The following TIAM2 variants were observed in gnomAD, a reference collection of about 807,000 sequenced individuals.
The protein encoded by TIAM2 is rho guanine nucleotide exchange factor TIAM2.
A neutral mutation model predicts 152.9 loss-of-function variants in TIAM2; 80 were observed. The observed-to-expected ratio is 0.52, with a 90% CI of 0.44 to 0.63. TIAM2 has a LOEUF of 0.63. TIAM2 is among the 30% of genes least tolerant of loss of function. The probability of loss-of-function intolerance (pLI) is 0.00; values close to 1 mark genes in which losing one functional copy is unlikely to be tolerated. For synonymous variants in TIAM2, 804 were observed against 838.0 expected, an observed-to-expected ratio of 0.96 and a Z score of 0.70; for missense variants, 1,965 against 2,120.1, an observed-to-expected ratio of 0.93 and a Z score of 1.44.
At chr6:155,227,386 A>G (rs1051601838) in intron 15 of TIAM2, among the ~76,000 whole-genome samples, 3 of 152,218 alleles carry the variant, frequency 2.0e-5, no homozygotes, top group Admixed American at 2.0e-4. Context: ...CCACAACCCT[A>G]TTGAACAGAT....
Position 155,156,050 on chromosome 6 carries a change from C to T in TIAM2, c.2028+7716C>T, listed in dbSNP as rs888572566. On this transcript the variant is annotated intron_variant, in intron 7 of 26. Coordinates refer to ENST00000682666, the MANE Select transcript of TIAM2 (RefSeq NM_012454.4). The surrounding 1 kb of genome is among the most constrained non-coding windows in gnomAD (Gnocchi z 4.4). ...CAACATAACACAGTGATTCAGTGCA[C>T]GTGGCATTCCAGTGCTGTGGAAGAC... 1.3e-5 allele frequency among the ~76,000 whole-genome samples: 2 copies of T among 152,160 alleles called. No individual in the cohort carries two copies. The highest frequency in any genetic ancestry group is 2.9e-5 in the Non-Finnish European group (2 of 68,024).
chr6:155,084,196 TA>T (rs1778130255), intron 1 of TIAM2, among the ~76,000 whole-genome samples: 1 of 152,098 alleles, frequency 6.6e-6, no homozygotes, highest in South Asian at 2.1e-4. Flanking sequence ...AAGACAGGGA[TA>T]GGGGCCACTC....
At position 155,079,870 on chromosome 6, in the gene TIAM2, A is replaced by C. The variant is rs531021514; in HGVS notation, c.-208-10419A>C. ...GGCTGAGGTAGGAGAATCGCTTGAA[A>C]CTGGGAGGCAGAGGTTGCAGTGAGA... On this transcript the variant is annotated intron_variant, in intron 1 of 26. Coordinates refer to ENST00000682666, the MANE Select transcript of TIAM2 (RefSeq NM_012454.4). 2.6e-5 allele frequency among the ~76,000 whole-genome samples: 4 copies of C among 152,164 alleles called. No individual in the cohort carries two copies. In the East Asian group the frequency reaches 7.8e-4, roughly 30 times the overall value.
At chr6:155,056,104 AT>A (rs1163876790) in intron 1 of TIAM2, among the ~76,000 whole-genome samples, 3 of 147,328 alleles carry the variant, frequency 2.0e-5, no homozygotes, top group Non-Finnish European at 4.5e-5. Context: ...TAATTTTTAA[AT>A]TTTTTTCTGT....
chr6:155,175,321 T>C (rs530963987), intron 9 of TIAM2, among the ~76,000 whole-genome samples: 84 of 152,368 alleles, frequency 5.5e-4, no homozygotes, highest in African/African-American at 2.0e-3. Context: ...TTCTTTACGA[T>C]GTCTCTTCTA....
intron 2 of TIAM2, among the ~76,000 whole-genome samples, chr6:155,094,703 C>T (rs528145419): frequency 5.4e-4 from 82 of 151,532 alleles, no homozygotes; most frequent in Middle Eastern, 3.4e-3. Context: ...GCATGTCCCA[C>T]CATACCTGGC....
chr6:155,244,929 CCT>C (rs998247449), intron 18 of TIAM2, 146 bp downstream of exon 18: 3 of 1,073,030 alleles, frequency 2.8e-6, no homozygotes, highest in Admixed American at 3.0e-5. Context: ...GCACCGTTTT[CCT>C]CTGTCAGGTG....
intron 15 of TIAM2, among the ~76,000 whole-genome samples, chr6:155,225,381 G>A (rs768660299): frequency 3.9e-5 from 6 of 152,194 alleles, no homozygotes; most frequent in Non-Finnish European, 8.8e-5. Flanking sequence ...TGAGCACCGA[G>A]GTCTTGAATT....
chr6:155,020,750 A>G (rs894694335), intron 1 of TIAM2, among the ~76,000 whole-genome samples: 1 of 152,226 alleles, frequency 6.6e-6, no homozygotes, highest in African/African-American at 2.4e-5. Context: ...GGCATGAGCC[A>G]CTGTGCCCGG....
At chr6:155,144,801 G>T in intron 6 of TIAM2, 23 bp downstream of exon 6, 1 of 1,593,254 alleles carries the variant, frequency 6.3e-7, no homozygotes, top group South Asian at 1.2e-5. Context: ...CTTTGTAAGT[G>T]GAGGTAATAG....
intron 23 of TIAM2, 54 bp from the exon 24 acceptor site, chr6:155,252,894 C>A: frequency 6.7e-7 from 1 of 1,490,554 alleles, no homozygotes; most frequent in Non-Finnish European, 9.4e-7. Context: ...TGCACACATC[C>A]TCCCTCAGTG....
At chr6:155,221,381 A>G (rs993639432) in intron 15 of TIAM2, among the ~76,000 whole-genome samples, 1 of 152,136 alleles carries the variant, frequency 6.6e-6, no homozygotes, top group Non-Finnish European at 1.5e-5. Context: ...AGTGACTTGG[A>G]GACTACTCAG....
chr6:155,111,601 A>G (rs543613390), intron 2 of TIAM2, among the ~76,000 whole-genome samples: 1 of 152,156 alleles, frequency 6.6e-6, no homozygotes, highest in South Asian at 2.1e-4. Flanking sequence ...TGCCTCTCAA[A>G]CGTTTCTGAA....
intron 1 of TIAM2, among the ~76,000 whole-genome samples, chr6:155,042,691 A>G (rs1389210290): frequency 6.6e-6 from 1 of 152,222 alleles, no homozygotes; most frequent in Non-Finnish European, 1.5e-5. Context: ...TGTACAACGT[A>G]CTGTTTATAC....
chr6:155,057,941 T>C (rs1410053396), intron 1 of TIAM2, among the ~76,000 whole-genome samples: 1 of 152,208 alleles, frequency 6.6e-6, no homozygotes, highest in East Asian at 1.9e-4. Flanking sequence ...CATTTACTTA[T>C]CTGTTCAATC....
intron 7 of TIAM2, among the ~76,000 whole-genome samples, chr6:155,163,771 G>A (rs555092266): frequency 6.6e-6 from 1 of 152,306 alleles, no homozygotes. Context: ...AATGTGAAGG[G>A]AAATGAAGCA....
At chr6:155,254,148 T>C in intron 25 of TIAM2, 88 bp downstream of exon 25, 1 of 1,391,132 alleles carries the variant, frequency 7.2e-7, no homozygotes, top group South Asian at 1.3e-5. Context: ...CCCTCCTGAA[T>C]TTTGATGATA....
chr6:155,195,548 A>T (rs1781321096), intron 14 of TIAM2, among the ~76,000 whole-genome samples: 1 of 152,234 alleles, frequency 6.6e-6, no homozygotes, highest in African/African-American at 2.4e-5. Flanking sequence ...ATCCTTGCCC[A>T]CGTGGAGCTT....
intron 1 of TIAM2, among the ~76,000 whole-genome samples, chr6:155,056,771 T>G (rs1207639954): frequency 6.6e-6 from 1 of 152,054 alleles, no homozygotes; most frequent in Non-Finnish European, 1.5e-5. Context: ...TTACAATAAA[T>G]GAACCATATT....
Sources: allele counts gnomAD v4.1 joint callset (sites outside exome capture counted in the v4.1 genomes callset), GRCh38; gene constraint gnomAD v4.1.1; non-coding constraint Gnocchi (gnomAD v3.1); transcripts MANE v1.5; gene names NCBI Gene and HGNC (gene_info 2026-07-23, HGNC 2026-07-21).